Variants in TPD52L1 observed in about 807,000 individuals in gnomAD.
The protein encoded by TPD52L1 is TPD52 like 1, also known as tumor protein D53.
In TPD52L1, 18 loss-of-function variants were observed where a neutral mutation model predicts 28.7. The observed-to-expected ratio is 0.63, with a 90% CI of 0.43 to 0.93. TPD52L1 has a LOEUF of 0.93. Among genes scored for constraint, TPD52L1 ranks in the 40% least tolerant of loss-of-function variants. The probability of loss-of-function intolerance (pLI) is 0.00; values close to 1 mark genes in which losing one functional copy is unlikely to be tolerated. For synonymous variants in TPD52L1, 75 were observed against 88.8 expected, an observed-to-expected ratio of 0.84 and a Z score of 0.88; for missense variants, 203 against 254.8, an observed-to-expected ratio of 0.80 and a Z score of 1.39.
At chr6:125,258,204 C>A (rs1177967692) in intron 6 of TPD52L1, among the ~76,000 whole-genome samples, 1 of 152,080 alleles carries the variant, frequency 6.6e-6, no homozygotes, top group African/African-American at 2.4e-5. Context: ...TTATTAGACC[C>A]ATAATTAGGT....
At chr6:125,262,061 T>C (rs1798090629) in intron 6 of TPD52L1, 1 of 152,270 alleles carries the variant, frequency 6.6e-6, no homozygotes, top group Admixed American at 6.5e-5. Context: ...GGAGAAGTGC[T>C]GAACAAAAGG....
In TPD52L1 at chr6:125,233,760, T is replaced by C. The variant is rs974236665; in HGVS notation, c.284+4494T>C. Among the ~76,000 whole-genome samples the C allele has an allele frequency of 4.6e-5, 7 of 152,330 alleles. No homozygotes were observed. In the East Asian group the frequency reaches 1.3e-3, roughly 29 times the overall value. Reference sequence around the variant, plus strand: ...AGATGAATTTTTTATTTCTTCTAGTTGTATGTAGAAAAATGCTTTATTTAA... The same window carrying C: ...AGATGAATTTTTTATTTCTTCTAGTCGTATGTAGAAAAATGCTTTATTTAA... On this transcript the variant is annotated intron_variant, in intron 3 of 6. Transcript: ENST00000534000.
chr6:125,211,229 T>G (rs1458258090), intron 1 of TPD52L1, among the ~76,000 whole-genome samples: 1 of 151,862 alleles, frequency 6.6e-6, no homozygotes, highest in African/African-American at 2.4e-5. Context: ...AGTTACAAAA[T>G]ACTGCGATTT....
intron 6 of TPD52L1, among the ~76,000 whole-genome samples, chr6:125,258,059 C>T (rs529785185): frequency 6.6e-6 from 1 of 152,320 alleles, no homozygotes; most frequent in East Asian, 1.9e-4. Flanking sequence ...CTTCACGCTG[C>T]TCTCACGTGT....
intron 1 of TPD52L1, among the ~76,000 whole-genome samples, chr6:125,155,149 A>G (rs1185846423): frequency 6.6e-6 from 1 of 152,128 alleles, no homozygotes; most frequent in Admixed American, 6.5e-5. Flanking sequence ...TTCCTCTATT[A>G]TGTAGATAGG....
chr6:125,259,499 A>G (rs1012405596), intron 6 of TPD52L1, among the ~76,000 whole-genome samples: 3 of 152,226 alleles, frequency 2.0e-5, no homozygotes, highest in African/African-American at 7.2e-5. Flanking sequence ...TCACCTGTAC[A>G]GTCACTGAGC....
chr6:125,153,817 G>T lies in TPD52L1; in HGVS notation c.-135G>T. The T allele has an allele frequency of 1.9e-6, 2 of 1,039,104 alleles. No individual in the cohort carries two copies. The highest frequency in any genetic ancestry group is 1.3e-6 in the Non-Finnish European group (1 of 750,544). The allele number at this position is 1,039,104 out of a possible 1,614,324, so 64.4% of individuals were successfully genotyped here. A position where few individuals can be genotyped will look rare whatever the true frequency, so the allele number is the denominator to read the frequency against. ...TGCCTGCGTCCCCAACCCCCTCCGCGCAGCGCTCGCGACACGCGTGCCAGG... is the reference window on the plus strand; with the variant it reads ...TGCCTGCGTCCCCAACCCCCTCCGCTCAGCGCTCGCGACACGCGTGCCAGG... On this transcript the variant is annotated 5_prime_UTR_variant, in exon 1 of 7. Coordinates refer to ENST00000534000, the MANE Select transcript of TPD52L1 (RefSeq NM_003287.4).
chr6:125,235,211 T>C (rs1457687744), intron 3 of TPD52L1, among the ~76,000 whole-genome samples: 1 of 151,822 alleles, frequency 6.6e-6, no homozygotes, highest in Non-Finnish European at 1.5e-5. Flanking sequence ...TGGGGACCTA[T>C]CTTACTCATG....
chr6:125,174,495 C>CT (rs1791702600), intron 1 of TPD52L1, among the ~76,000 whole-genome samples: 1 of 152,156 alleles, frequency 6.6e-6, no homozygotes. Flanking sequence ...GCATGCAAAT[C>CT]TGAAGCATCA....
intron 2 of TPD52L1, among the ~76,000 whole-genome samples, chr6:125,227,330 A>G (rs544095757): frequency 3.9e-4 from 59 of 151,706 alleles, no homozygotes; most frequent in African/African-American, 1.3e-3. Context: ...GCGCTAGTGA[A>G]AGACTGGGGG....
At chr6:125,259,981 C>CCATACCTTCTTTGCCAAATTGATTT (rs1390243018) in intron 6 of TPD52L1, 1 of 152,178 alleles carries the variant, frequency 6.6e-6, no homozygotes, top group Non-Finnish European at 1.5e-5. Context: ...ATCTTTGATT[C>CCATACCTTCTTTGCCAAATTGATTT]CATACCTTCT....
intron 1 of TPD52L1, among the ~76,000 whole-genome samples, chr6:125,178,032 T>G (rs1233035776): frequency 6.6e-6 from 1 of 152,172 alleles, no homozygotes; most frequent in Non-Finnish European, 1.5e-5. Flanking sequence ...AATCCCAAGT[T>G]TAAGCCATTA....
chr6:125,239,293 G>A (rs952139997), intron 3 of TPD52L1, among the ~76,000 whole-genome samples: 6 of 152,028 alleles, frequency 3.9e-5, no homozygotes, highest in East Asian at 3.9e-4. Context: ...GTCTATTCAC[G>A]TCTGTATTAG....
At chr6:125,204,549 G>C (rs1430417852) in intron 1 of TPD52L1, among the ~76,000 whole-genome samples, 2 of 151,718 alleles carry the variant, frequency 1.3e-5, no homozygotes, top group African/African-American at 4.8e-5. Context: ...GGGCGATCTC[G>C]GCTCACTGCA....
intron 1 of TPD52L1, chr6:125,214,429 T>C (rs1794720068): frequency 1.0e-6 from 1 of 983,116 alleles, no homozygotes; most frequent in Non-Finnish European, 1.2e-6. Flanking sequence ...TCCCACAATC[T>C]ACCAGGGATA....
chr6:125,216,447 T>A (rs1371168387), intron 1 of TPD52L1, among the ~76,000 whole-genome samples: 1 of 150,884 alleles, frequency 6.6e-6, no homozygotes, highest in South Asian at 2.1e-4. Flanking sequence ...TGTATATGTG[T>A]GTCTTTACAC....
chr6:125,188,033 G>A (rs1792763284), intron 1 of TPD52L1, among the ~76,000 whole-genome samples: 1 of 152,070 alleles, frequency 6.6e-6, no homozygotes, highest in Non-Finnish European at 1.5e-5. Flanking sequence ...TCTTGTTTTA[G>A]ACGTTTCTAT....
intron 3 of TPD52L1, among the ~76,000 whole-genome samples, chr6:125,243,794 G>C (rs1234942057): frequency 1.3e-5 from 2 of 151,728 alleles, no homozygotes; most frequent in Non-Finnish European, 2.9e-5. Context: ...TCTTTATCTG[G>C]CAATTCAGAG....
intron 1 of TPD52L1, among the ~76,000 whole-genome samples, chr6:125,170,035 T>C (rs986209870): frequency 6.6e-6 from 1 of 152,156 alleles, no homozygotes; most frequent in Non-Finnish European, 1.5e-5. Flanking sequence ...TTTCTTTGGT[T>C]TTTTACCTAA....
Sources: gnomAD v4.1 joint callset for allele counts (sites outside exome capture counted in the v4.1 genomes callset) on GRCh38, gnomAD v4.1.1 for gene constraint, MANE v1.5 for transcripts, NCBI Gene and HGNC (gene_info 2026-07-23, HGNC 2026-07-21) for gene names.